GRM1: variants seen among roughly 807,000 people sequenced by gnomAD.
GRM1 encodes glutamate metabotropic receptor 1, also known as metabotropic glutamate receptor 1.
GRM1 carries 33 observed loss-of-function variants against 90.9 expected under a neutral mutation model. The ratio of observed to expected loss-of-function variants is 0.36; its 90% confidence interval spans 0.28 to 0.49. The LOEUF is 0.49. Ranked by LOEUF, GRM1 falls within the 20% of genes least tolerant of loss-of-function variation. The probability of loss-of-function intolerance (pLI) is 0.99; values close to 1 mark genes in which losing one functional copy is unlikely to be tolerated. For synonymous variants in GRM1, 700 were observed against 613.2 expected (o/e 1.14, Z -2.09); for missense variants, 1,190 against 1,534.3 (o/e 0.78, Z 3.75).
intron 2 of GRM1, among the ~76,000 whole-genome samples, chr6:146,220,057 G>A (rs1251265594): frequency 6.6e-6 from 1 of 152,110 alleles, no homozygotes; most frequent in South Asian, 2.1e-4. Context: ...ATATGGATAT[G>A]TAGAATTACA....
chr6:146,099,753 T>C (rs1776989876), intron 1 of GRM1, among the ~76,000 whole-genome samples: 1 of 152,244 alleles, frequency 6.6e-6, no homozygotes. Context: ...TTTAATACTA[T>C]ACAGTGTCCT....
intron 1 of GRM1, among the ~76,000 whole-genome samples, chr6:146,057,773 T>A (rs183908426): frequency 1.1e-3 from 162 of 152,266 alleles, no homozygotes; most frequent in Non-Finnish European, 2.1e-3. Context: ...ACTGAGTATA[T>A]GGAATCAAAC....
chr6:146,276,088 A>G (rs909409805), intron 2 of GRM1, among the ~76,000 whole-genome samples: 4 of 152,212 alleles, frequency 2.6e-5, no homozygotes, highest in African/African-American at 9.6e-5. Context: ...GAAGATTGTG[A>G]AAACATAGTG....
intron 2 of GRM1, among the ~76,000 whole-genome samples, chr6:146,288,913 C>G (rs1399945117): frequency 1.3e-5 from 2 of 152,164 alleles, no homozygotes; most frequent in Non-Finnish European, 1.5e-5. Context: ...GCCATAATGT[C>G]TTAGTACAAT....
intron 4 of GRM1, among the ~76,000 whole-genome samples, chr6:146,356,204 G>T (rs1160042109): frequency 6.6e-6 from 1 of 152,132 alleles, no homozygotes; most frequent in African/African-American, 2.4e-5. Flanking sequence ...AAATATGAAT[G>T]AAATCATGCT....
intron 7 of GRM1, among the ~76,000 whole-genome samples, chr6:146,422,594 T>A (rs989458494): frequency 6.6e-6 from 1 of 152,168 alleles, no homozygotes; most frequent in Non-Finnish European, 1.5e-5. Flanking sequence ...AAAGAAGTGA[T>A]CATACAATTG....
chr6:146,352,984 C>A (rs1448443290), intron 4 of GRM1, among the ~76,000 whole-genome samples: 1 of 152,154 alleles, frequency 6.6e-6, no homozygotes, highest in Non-Finnish European at 1.5e-5. Flanking sequence ...TCAGGCTAAC[C>A]TATGTTTGTG....
Position 146,434,655 on chromosome 6 carries a change from G to A in GRM1, c.3444G>A (p.Pro1148=), listed in dbSNP as rs1778536267. ...TPDDSPALTP[P]SPFRDSVASG... ...ATGATTCGCCTGCGCTGACGCCTCC[G>A]TCGCCTTTCCGCGACTCGGTGGCCT... Residue 1148 remains proline (P), a synonymous_variant, in exon 8 of 8, where the codon CCG becomes CCA. Transcript: ENST00000282753. The A allele has an allele frequency of 1.9e-6, 3 of 1,609,300 alleles. No individual in the cohort carries two copies. The highest frequency in any genetic ancestry group is 2.5e-6 in the Non-Finnish European group (3 of 1,180,008).
At chr6:146,079,236 G>A (rs943103360) in intron 1 of GRM1, among the ~76,000 whole-genome samples, 2 of 152,294 alleles carry the variant, frequency 1.3e-5, no homozygotes, top group Admixed American at 6.5e-5. Context: ...CCGTGGGCTG[G>A]ACATTAGGTT....
chr6:146,029,108 C>A lies in GRM1; in HGVS notation c.-410C>A. On this transcript the variant is annotated 5_prime_UTR_variant, in exon 1 of 8. Transcript: ENST00000282753. ...TCAGGATGTGCCGAAATGAAACGGA[C>A]AAGGCAACTGTTAACATTATAGACC... 1 of 286,766 alleles carries A rather than the reference C, an allele frequency of 3.5e-6. No individual in the cohort carries two copies. Among genetic ancestry groups the A allele is most frequent in the Non-Finnish European group, 6.8e-6 (1 of 147,622 alleles). The allele number at this position is 286,766 out of a possible 1,614,324, so 17.8% of individuals were successfully genotyped here. A position where few individuals can be genotyped will look rare whatever the true frequency, so the allele number is the denominator to read the frequency against.
intron 1 of GRM1, among the ~76,000 whole-genome samples, chr6:146,136,662 T>C (rs759441284): frequency 6.6e-6 from 1 of 152,150 alleles, no homozygotes; most frequent in Non-Finnish European, 1.5e-5. Flanking sequence ...GCTCCATATA[T>C]ATTATGGTGA....
At chr6:146,175,522 C>T (rs1278220977) in intron 2 of GRM1, among the ~76,000 whole-genome samples, 1 of 152,094 alleles carries the variant, frequency 6.6e-6, no homozygotes, top group South Asian at 2.1e-4. Context: ...TTGTGTTTTC[C>T]ATGTGACTTT....
At chr6:146,124,644 C>G (rs989115191) in intron 1 of GRM1, among the ~76,000 whole-genome samples, 1 of 152,010 alleles carries the variant, frequency 6.6e-6, no homozygotes, top group African/African-American at 2.4e-5. Flanking sequence ...TATGGTACAA[C>G]CATATACCTA....
At chr6:146,385,201 A>G (rs1324842812) in intron 5 of GRM1, among the ~76,000 whole-genome samples, 1 of 152,114 alleles carries the variant, frequency 6.6e-6, no homozygotes, top group Non-Finnish European at 1.5e-5. Context: ...TTAAGTTGCT[A>G]AAAACCAGTG....
intron 2 of GRM1, among the ~76,000 whole-genome samples, chr6:146,219,838 C>T (rs1779997211): frequency 6.6e-6 from 1 of 152,048 alleles, no homozygotes; most frequent in African/African-American, 2.4e-5. Context: ...CCCTTTCCAT[C>T]TCTCTGGCAA....
chr6:146,099,993 T>G (rs546631977), intron 1 of GRM1, among the ~76,000 whole-genome samples: 1 of 152,354 alleles, frequency 6.6e-6, no homozygotes, highest in Non-Finnish European at 1.5e-5. Context: ...CAGCAGTGTA[T>G]GACAATTCCT....
At chr6:146,270,545 CT>C (rs1230751763) in intron 2 of GRM1, among the ~76,000 whole-genome samples, 1 of 152,164 alleles carries the variant, frequency 6.6e-6, no homozygotes, top group Non-Finnish European at 1.5e-5. Context: ...GAGTTGTGCT[CT>C]GGCCCCAAGG....
rs1472256193 is a variant in GRM1 at position 146,434,374 on chromosome 6, C to T, written c.3163C>T (p.Pro1055Ser). The part of the protein sequence containing the change: ...IPDFHAVLAG[P>S]GGPGNGLRSL... ...GGATTTTCACGCGGTGCTGGCAGGC[C>T]CCGGTGGTCCCGGGAACGGGCTGCG... is the stretch of plus-strand genomic sequence containing the variant. Residue 1055 changes from proline (P) to serine (S), a missense_variant, in exon 8 of 8, where the codon CCC (proline) becomes TCC (serine). Physicochemically the swap from Pro to Ser is moderately conservative, Grantham distance 74 (BLOSUM62 -1). Transcript: ENST00000282753. 1.9e-6 allele frequency: 3 copies of T among 1,613,344 alleles called. No homozygotes were observed. The highest frequency in any genetic ancestry group is 2.2e-5 in the South Asian group (2 of 91,028).
chr6:146,377,160 C>T (rs908943551), intron 5 of GRM1, among the ~76,000 whole-genome samples: 23 of 151,748 alleles, frequency 1.5e-4, no homozygotes, highest in African/African-American at 5.1e-4. Flanking sequence ...TGAGAGCAGA[C>T]GAATACAGTA....
Sources: gnomAD v4.1 joint callset for allele counts (sites outside exome capture counted in the v4.1 genomes callset) on GRCh38, gnomAD v4.1.1 for gene constraint, MANE v1.5 for transcripts, NCBI Gene and HGNC (gene_info 2026-07-23, HGNC 2026-07-21) for gene names.